Variants in ERP44 observed in about 807,000 individuals in gnomAD.
ERP44 encodes endoplasmic reticulum resident protein 44.
A neutral mutation model predicts 53.4 loss-of-function variants in ERP44; 25 were observed. The ratio of observed to expected loss-of-function variants is 0.47; its 90% CI spans 0.34 to 0.65. ERP44 has a LOEUF of 0.65. ERP44 is among the 30% of genes least tolerant of loss of function. The probability of loss-of-function intolerance (pLI) is 0.01; values close to 1 mark genes in which losing one functional copy is unlikely to be tolerated. For missense variants in ERP44, 338 were observed against 493.2 expected, an observed-to-expected ratio of 0.69 and a Z score of 2.98; for synonymous variants, 145 against 161.2, an observed-to-expected ratio of 0.90 and a Z score of 0.76.
chr9:100,035,666 A>T (rs1270755618), intron 4 of ERP44, among the ~76,000 whole-genome samples: 2 of 152,050 alleles, frequency 1.3e-5, no homozygotes, highest in Non-Finnish European at 2.9e-5. Context: ...CAAGACCGAA[A>T]CTCTGTCTTA....
chr9:100,028,346 C>A (rs1830675638), intron 4 of ERP44, among the ~76,000 whole-genome samples: 1 of 152,160 alleles, frequency 6.6e-6, no homozygotes, highest in Non-Finnish European at 1.5e-5. Context: ...ACTGATGGGA[C>A]TTTCTAGATT....
intron 1 of ERP44, among the ~76,000 whole-genome samples, chr9:100,061,416 C>G (rs1337792269): frequency 6.7e-6 from 1 of 150,216 alleles, no homozygotes; most frequent in Non-Finnish European, 1.5e-5. Flanking sequence ...TGCACTCCAG[C>G]CTGGGCAACA....
intron 3 of ERP44, among the ~76,000 whole-genome samples, chr9:100,055,713 T>C (rs1003777324): frequency 1.3e-5 from 2 of 152,230 alleles, no homozygotes; most frequent in Non-Finnish European, 2.9e-5. Context: ...AAATATCTCA[T>C]GTGCCCCATA....
intron 10 of ERP44, among the ~76,000 whole-genome samples, chr9:99,987,708 A>G (rs1830209034): frequency 6.6e-6 from 1 of 152,140 alleles, no homozygotes; most frequent in African/African-American, 2.4e-5. Context: ...ACCCCTGGCA[A>G]CTGTTGACCT....
chr9:100,033,161 A>C (rs1358527932), intron 4 of ERP44, among the ~76,000 whole-genome samples: 1 of 152,264 alleles, frequency 6.6e-6, no homozygotes, highest in Non-Finnish European at 1.5e-5. Flanking sequence ...TATTTGCATA[A>C]GTGCAATAAG....
chr9:99,994,808 T>A (rs1830294113), intron 10 of ERP44, among the ~76,000 whole-genome samples: 1 of 152,220 alleles, frequency 6.6e-6, no homozygotes, highest in South Asian at 2.1e-4. Flanking sequence ...GTCCTCCAAC[T>A]TTGTTTCTTT....
chr9:100,006,762 G>C, intron 9 of ERP44, 115 bp from the exon 10 acceptor site: 2 of 652,012 alleles, frequency 3.1e-6, no homozygotes, highest in Non-Finnish European at 5.1e-6. Context: ...ACATTCTTAA[G>C]AGTAATATAG....
At chr9:100,049,907 A>G (rs1826018350) in intron 4 of ERP44, among the ~76,000 whole-genome samples, 1 of 152,176 alleles carries the variant, frequency 6.6e-6, no homozygotes, top group Non-Finnish European at 1.5e-5. Flanking sequence ...AAGTCGAAAC[A>G]ACCCAAATGT....
intron 1 of ERP44, among the ~76,000 whole-genome samples, chr9:100,087,362 G>A (rs987595330): frequency 6.6e-6 from 1 of 152,076 alleles, no homozygotes; most frequent in East Asian, 1.9e-4. Context: ...CACAAAGGCC[G>A]GAAGCTGGTC....
intron 1 of ERP44, among the ~76,000 whole-genome samples, chr9:100,064,448 A>G (rs1826188681): frequency 6.6e-6 from 1 of 152,258 alleles, no homozygotes; most frequent in Non-Finnish European, 1.5e-5. Flanking sequence ...AGGTTATCAA[A>G]TAAAAATAAA....
At chr9:100,078,821 A>G (rs949274322) in intron 1 of ERP44, among the ~76,000 whole-genome samples, 16 of 152,058 alleles carry the variant, frequency 1.1e-4, no homozygotes, top group Admixed American at 5.9e-4. Context: ...GTGACATGAG[A>G]TTTATTGACT....
Position 99,979,695 on chromosome 9 carries a change from C to T in ERP44, c.*2917G>A, listed in dbSNP as rs1349706153. 8.3e-6 allele frequency: 3 copies of T among 360,618 alleles called. No homozygotes were observed. Among genetic ancestry groups the T allele is most frequent in the African/African-American group, 6.3e-5 (3 of 47,848 alleles). 22.3% of individuals were successfully genotyped at this position (360,618 alleles called of 1,614,324 possible). A position where few individuals can be genotyped will look rare whatever the true frequency, so the allele number is the denominator to read the frequency against. The stretch of plus-strand genomic sequence containing the variant: ...GTTCTGGGGACTCAACCGTGTTCTT[C>T]AGTCTGGTCTTGCATCCTCTCTTCC... On this transcript the variant is annotated 3_prime_UTR_variant, in exon 12 of 12. Transcript: ENST00000262455.
At chr9:100,010,938 G>A (rs932580957) in intron 8 of ERP44, among the ~76,000 whole-genome samples, 23 of 148,356 alleles carry the variant, frequency 1.6e-4, no homozygotes, top group Admixed American at 7.4e-4. Flanking sequence ...AAAAAAGAAA[G>A]CCAGGACATT....
intron 2 of ERP44, 148 bp from the exon 3 acceptor site, chr9:100,058,007 T>C (rs749929079): frequency 2.1e-5 from 13 of 619,140 alleles, no homozygotes; most frequent in Admixed American, 6.6e-5. Flanking sequence ...CCTAGAGTCA[T>C]GGACAGCTTA....
intron 1 of ERP44, among the ~76,000 whole-genome samples, chr9:100,086,753 A>G (rs1202969461): frequency 6.6e-6 from 1 of 152,194 alleles, no homozygotes; most frequent in African/African-American, 2.4e-5. Context: ...TCTACCTTCT[A>G]GTACTCTCAG....
At chr9:100,033,680 T>C (rs1173743229) in intron 4 of ERP44, among the ~76,000 whole-genome samples, 3 of 152,190 alleles carry the variant, frequency 2.0e-5, no homozygotes, top group African/African-American at 7.2e-5. Flanking sequence ...ACCTGTCTCA[T>C]CAGTTGTTTT....
intron 4 of ERP44, among the ~76,000 whole-genome samples, chr9:100,051,601 GA>G (rs536516791): frequency 5.3e-5 from 8 of 150,982 alleles, no homozygotes; most frequent in East Asian, 1.9e-4. Context: ...AAAAAAGAAA[GA>G]AAAAAAAATT....
At chr9:100,086,227 T>A (rs533585101) in intron 1 of ERP44, among the ~76,000 whole-genome samples, 2 of 152,386 alleles carry the variant, frequency 1.3e-5, no homozygotes, top group East Asian at 1.9e-4. Flanking sequence ...TTTGCTTTTG[T>A]ATTAAAAGCT....
chr9:99,988,113 T>A (rs1369922604), intron 10 of ERP44, among the ~76,000 whole-genome samples: 1 of 152,206 alleles, frequency 6.6e-6, no homozygotes, highest in Non-Finnish European at 1.5e-5. Context: ...TTGTTCCACA[T>A]CCTCATGAAT....
Sources: allele counts gnomAD v4.1 joint callset (sites outside exome capture counted in the v4.1 genomes callset), GRCh38; gene constraint gnomAD v4.1.1; transcripts MANE v1.5; gene names NCBI Gene and HGNC (gene_info 2026-07-23, HGNC 2026-07-21).